DLG2: variants seen among roughly 807,000 people sequenced by gnomAD.
DLG2 encodes disks large homolog 2.
DLG2 carries 45 observed loss-of-function variants against 132.5 expected under a neutral mutation model. That is an observed-to-expected ratio of 0.34 (90% CI 0.27 to 0.44). DLG2 has a LOEUF of 0.44. Ranked by LOEUF, DLG2 falls within the 20% of genes least tolerant of loss-of-function variation. The pLI is 1.00. For synonymous variants in DLG2, 424 were observed against 419.6 expected, an observed-to-expected ratio of 1.01 and a Z score of -0.13; for missense variants, 1,045 against 1,196.9, an observed-to-expected ratio of 0.87 and a Z score of 1.87.
intron 18 of DLG2, among the ~76,000 whole-genome samples, chr11:83,755,916 A>G (rs1456668802): frequency 6.6e-6 from 1 of 151,430 alleles, no homozygotes; most frequent in African/African-American, 2.5e-5. Flanking sequence ...ACAAATCACT[A>G]CAAGCTATGG....
intron 8 of DLG2, among the ~76,000 whole-genome samples, chr11:84,224,526 T>A (rs1008610939): frequency 6.6e-6 from 1 of 152,212 alleles, no homozygotes; most frequent in African/African-American, 2.4e-5. Context: ...AGCTAAGACA[T>A]ACACTTTGTA....
At chr11:85,404,240 A>T (rs1282127909) in intron 3 of DLG2, among the ~76,000 whole-genome samples, 1 of 152,026 alleles carries the variant, frequency 6.6e-6, no homozygotes, top group African/African-American at 2.4e-5. Context: ...ATATATAGAC[A>T]TGAAATAGGA....
At chr11:84,436,302 TA>T (rs1159483366) in intron 7 of DLG2, among the ~76,000 whole-genome samples, 4 of 152,188 alleles carry the variant, frequency 2.6e-5, no homozygotes, top group African/African-American at 7.2e-5. Context: ...CTTCTAAAGC[TA>T]AAAAAATTCG....
intron 5 of DLG2, among the ~76,000 whole-genome samples, chr11:85,130,774 G>C (rs2075638144): frequency 6.6e-6 from 1 of 152,128 alleles, no homozygotes; most frequent in Admixed American, 6.5e-5. Flanking sequence ...GTAGAGCAAG[G>C]GCATCCCAAG....
intron 16 of DLG2, among the ~76,000 whole-genome samples, chr11:83,857,764 G>A (rs1477725161): frequency 6.6e-6 from 1 of 151,296 alleles, no homozygotes; most frequent in Non-Finnish European, 1.5e-5. Context: ...AACAGGTGAG[G>A]CTATGCATGT....
chr11:83,723,506 T>C lies in DLG2; in HGVS notation c.1825+63184A>G, dbSNP rs567565751. Among the ~76,000 whole-genome samples, 151 of 152,258 alleles carry C rather than the reference T, an allele frequency of 9.9e-4. 1 individual carries two copies. The South Asian group carries it at 0.016, about 16-fold the overall frequency. On this transcript the variant is annotated intron_variant, in intron 18 of 27. Transcript: ENST00000376104. ...TGCATCATAATAACAACAGCTGACA[T>C]TGAGTGAGTATTAGTTTGTGCTGGG...
intron 3 of DLG2, among the ~76,000 whole-genome samples, chr11:85,543,277 G>A (rs1565661875): frequency 6.6e-6 from 1 of 152,100 alleles, no homozygotes; most frequent in Non-Finnish European, 1.5e-5. Context: ...AAGAATGATG[G>A]TTTCCAGCTT....
At chr11:84,243,217 C>T (rs1339153155) in intron 8 of DLG2, among the ~76,000 whole-genome samples, 1 of 152,100 alleles carries the variant, frequency 6.6e-6, no homozygotes, top group Non-Finnish European at 1.5e-5. Flanking sequence ...ATTAGCCCTA[C>T]TGGCTACTAA....
At chr11:84,038,011 T>C (rs1310043139) in intron 11 of DLG2, among the ~76,000 whole-genome samples, 1 of 152,046 alleles carries the variant, frequency 6.6e-6, no homozygotes, top group African/African-American at 2.4e-5. Flanking sequence ...CAAGTGCAGG[T>C]TTGTTATCTA....
chr11:84,706,553 A>G (rs2059802066), intron 6 of DLG2, among the ~76,000 whole-genome samples: 1 of 151,838 alleles, frequency 6.6e-6, no homozygotes, highest in African/African-American at 2.4e-5. Flanking sequence ...ACCATCATCT[A>G]TGAAATACAT....
chr11:84,458,394 T>C (rs1222024387), intron 7 of DLG2, among the ~76,000 whole-genome samples: 2 of 150,912 alleles, frequency 1.3e-5, no homozygotes, highest in African/African-American at 2.4e-5. Flanking sequence ...AGTATCCAAG[T>C]GATCATCGTC....
intron 6 of DLG2, among the ~76,000 whole-genome samples, chr11:85,104,490 A>G (rs1357823590): frequency 6.6e-6 from 1 of 151,964 alleles, no homozygotes. Context: ...CTTATAGGAA[A>G]TATCTAGAAA....
At chr11:84,750,683 A>G (rs897779811) in intron 6 of DLG2, among the ~76,000 whole-genome samples, 2 of 152,148 alleles carry the variant, frequency 1.3e-5, no homozygotes, top group African/African-American at 4.8e-5. Context: ...GTTTTATTAC[A>G]TGGATCAAGG....
chr11:83,682,141 C>A (rs1359361695), intron 18 of DLG2: 2 of 985,240 alleles, frequency 2.0e-6, no homozygotes, highest in Admixed American at 1.2e-4. Flanking sequence ...CGATTAGCTG[C>A]AAAGCCAGGA....
At chr11:84,139,665 G>T (rs2094757214) in intron 9 of DLG2, among the ~76,000 whole-genome samples, 1 of 152,132 alleles carries the variant, frequency 6.6e-6, no homozygotes, top group African/African-American at 2.4e-5. Context: ...CTGAGCCACA[G>T]TGGGGCTCAC....
chr11:83,512,631 A>T (rs1168758303), intron 21 of DLG2, among the ~76,000 whole-genome samples: 3 of 151,968 alleles, frequency 2.0e-5, no homozygotes, highest in Non-Finnish European at 4.4e-5. Flanking sequence ...TGCTGGACCA[A>T]TTAACTCGTC....
intron 17 of DLG2, chr11:83,790,028 A>G (rs1276392399): frequency 3.7e-6 from 5 of 1,365,358 alleles, no homozygotes; most frequent in African/African-American, 1.5e-5. Context: ...CAGTTTCTGA[A>G]TTAAGTCTAT....
intron 6 of DLG2, among the ~76,000 whole-genome samples, chr11:85,101,586 A>G (rs2070854440): frequency 6.6e-6 from 1 of 152,094 alleles, no homozygotes; most frequent in Non-Finnish European, 1.5e-5. Flanking sequence ...TTTTTGACAC[A>G]GAAACAGAAG....
rs555169286 is a variant in DLG2, at chr11:84,390,797, G to A, written c.520-139506C>T. On this transcript the variant is annotated intron_variant, in intron 7 of 27. Transcript: ENST00000376104. ...TCAGAAAACAATAGGTGATACCATG[G>A]TAACCATAAAATCTCAGCGGCTTAC... Among the ~76,000 whole-genome samples the A allele has an allele frequency of 3.9e-5, 6 of 152,216 alleles. No individual in the cohort carries two copies. The South Asian group carries it at 1.0e-3, about 26-fold the overall frequency.
Sources: gnomAD v4.1 joint callset for allele counts (sites outside exome capture counted in the v4.1 genomes callset) on GRCh38, gnomAD v4.1.1 for gene constraint, MANE v1.5 for transcripts, NCBI Gene and HGNC (gene_info 2026-07-23, HGNC 2026-07-21) for gene names.